The following CNTNAP5 variants were observed in gnomAD, a reference collection of about 807,000 sequenced individuals.
The protein encoded by CNTNAP5 is contactin associated protein family member 5.
Under a neutral mutation model 150.2 loss-of-function variants are expected in CNTNAP5, and 72 were observed. That is an observed-to-expected ratio of 0.48 (90% confidence interval 0.40 to 0.58). The LOEUF (loss-of-function observed/expected upper bound fraction) is 0.58. Ranked by LOEUF, CNTNAP5 falls within the 20% of genes least tolerant of loss-of-function variation. The probability of loss-of-function intolerance (pLI) is 0.00; values close to 1 mark genes in which losing one functional copy is unlikely to be tolerated. For synonymous variants in CNTNAP5, 672 were observed against 619.8 expected (o/e 1.08, Z -1.25); for missense variants, 1,636 against 1,626.2 (o/e 1.01, Z -0.10).
intron 13 of CNTNAP5, among the ~76,000 whole-genome samples, chr2:124,657,293 T>C (rs1218385802): frequency 1.3e-5 from 2 of 152,174 alleles, no homozygotes; most frequent in Non-Finnish European, 2.9e-5. Context: ...TCCCCATTTC[T>C]GCCAAATACC....
At chr2:124,913,639 G>A (rs999911752) in intron 23 of CNTNAP5, among the ~76,000 whole-genome samples, 28 of 152,062 alleles carry the variant, frequency 1.8e-4, no homozygotes, top group Admixed American at 2.0e-4. Flanking sequence ...TACATCAGGA[G>A]AGCATGTGTT....
chr2:124,539,023 C>A (rs1695314354), intron 10 of CNTNAP5, among the ~76,000 whole-genome samples: 1 of 152,082 alleles, frequency 6.6e-6, no homozygotes, highest in Admixed American at 6.5e-5. Flanking sequence ...AGGCGAAGCA[C>A]CTGAAGCCTT....
chr2:124,186,181 A>G (rs1282407097), intron 1 of CNTNAP5, among the ~76,000 whole-genome samples: 1 of 152,218 alleles, frequency 6.6e-6, no homozygotes, highest in African/African-American at 2.4e-5. Flanking sequence ...AGAACCACAC[A>G]TTGAGATCCA....
intron 1 of CNTNAP5, among the ~76,000 whole-genome samples, chr2:124,165,028 A>C (rs1002453119): frequency 5.3e-5 from 8 of 152,118 alleles, no homozygotes; most frequent in Non-Finnish European, 1.5e-5. Flanking sequence ...TCAGGTTGTA[A>C]TCTATCTGGG....
intron 17 of CNTNAP5, among the ~76,000 whole-genome samples, chr2:124,783,075 T>G (rs1681488244): frequency 6.6e-6 from 1 of 152,182 alleles, no homozygotes; most frequent in South Asian, 2.1e-4. Flanking sequence ...GACCTCTGAT[T>G]TCAGAAACGG....
chr2:124,441,855 G>T (rs1245707931), intron 5 of CNTNAP5, among the ~76,000 whole-genome samples: 1 of 148,710 alleles, frequency 6.7e-6, no homozygotes, highest in East Asian at 2.0e-4. Flanking sequence ...TTATCTTTGG[G>T]CATATATATA....
At chr2:124,813,624 C>T (rs73955836) in intron 19 of CNTNAP5, among the ~76,000 whole-genome samples, 4,644 of 151,354 alleles carry the variant, frequency 0.031, 237 homozygotes, top group African/African-American at 0.11. Context: ...TCAAGCTCTA[C>T]CTCAACACCT....
At position 124,920,329 on chromosome 2, in the gene CNTNAP5, C is replaced by A. The variant is rs1286618105; in HGVS notation, c.*6041C>A. Among the ~76,000 whole-genome samples, 1 of 152,072 alleles carries A rather than the reference C, an allele frequency of 6.6e-6. No homozygotes were observed. The highest frequency in any genetic ancestry group is 1.5e-5 in the Non-Finnish European group (1 of 68,016). ...AGACTCTTTGAAAGGCTTTCTCTTT[C>A]AAGAAACCTTGAAGGGAAAATATTA... On this transcript the variant is annotated 3_prime_UTR_variant, in exon 24 of 24. Coordinates refer to ENST00000682447, the MANE Select transcript of CNTNAP5 (RefSeq NM_001367498.1).
At chr2:124,873,861 A>C (rs2104730220) in intron 21 of CNTNAP5, among the ~76,000 whole-genome samples, 1 of 152,216 alleles carries the variant, frequency 6.6e-6, no homozygotes, top group Admixed American at 6.6e-5. Context: ...CTAGTGTCTC[A>C]GTTTTCTTCA....
At chr2:124,847,631 G>A (rs1340101909) in intron 19 of CNTNAP5, among the ~76,000 whole-genome samples, 1 of 152,146 alleles carries the variant, frequency 6.6e-6, no homozygotes, top group Middle Eastern at 3.2e-3. Context: ...GGGTCTGTGG[G>A]TTCTCTTAGC....
At chr2:124,476,696 G>A (rs2104835518) in intron 7 of CNTNAP5, among the ~76,000 whole-genome samples, 1 of 152,196 alleles carries the variant, frequency 6.6e-6, no homozygotes, top group South Asian at 2.1e-4. Flanking sequence ...GTCCCAGATT[G>A]ATCTTCCCAT....
chr2:124,087,159 A>G (rs1350813529), intron 1 of CNTNAP5, among the ~76,000 whole-genome samples: 1 of 151,794 alleles, frequency 6.6e-6, no homozygotes, highest in East Asian at 1.9e-4. Context: ...ACTTAGACTT[A>G]GAAGCACATT....
At chr2:124,833,871 TG>T (rs1412122042) in intron 19 of CNTNAP5, among the ~76,000 whole-genome samples, 1 of 151,890 alleles carries the variant, frequency 6.6e-6, no homozygotes. Context: ...AGAGATGTGG[TG>T]GGGGGCATGT....
chr2:124,581,550 CA>C (rs1696413429), intron 11 of CNTNAP5, among the ~76,000 whole-genome samples: 1 of 152,174 alleles, frequency 6.6e-6, no homozygotes, highest in Non-Finnish European at 1.5e-5. Context: ...AGACAGAGTT[CA>C]GGCGGCAGGG....
intron 7 of CNTNAP5, 61 bp from the exon 8 acceptor site, chr2:124,504,231 C>T: frequency 6.5e-7 from 1 of 1,529,694 alleles, no homozygotes; most frequent in Non-Finnish European, 9.0e-7. Context: ...TTGTTTATAT[C>T]AGCTGTCAGA....
At chr2:124,726,445 T>C (rs1680158872) in intron 13 of CNTNAP5, among the ~76,000 whole-genome samples, 1 of 152,114 alleles carries the variant, frequency 6.6e-6, no homozygotes, top group Admixed American at 6.6e-5. Context: ...TGTGCCTTGC[T>C]TCCCATTTGC....
rs544131991 is a variant in CNTNAP5, at chr2:124,504,016, C to T, written c.1063-276C>T. 3.6e-4 allele frequency among the ~76,000 whole-genome samples: 55 copies of T among 152,246 alleles called. 1 individual carries two copies. The South Asian group carries it at 7.9e-3, about 22-fold the overall frequency. On this transcript the variant is annotated intron_variant, in intron 7 of 23. Transcript: ENST00000682447. ...TAATGAGTAAATGTAATTATTTTTA[C>T]GCCCCTTAGAAAGTGTGGATACTTC...
rs1437507801 is a variant in CNTNAP5 at position 124,647,926 on chromosome 2, A to G, written c.2045A>G (p.His682Arg). The G allele has an allele frequency of 1.2e-5, 20 of 1,606,976 alleles. No homozygotes were observed. Among genetic ancestry groups the G allele is most frequent in the Non-Finnish European group, 1.6e-5 (19 of 1,177,236 alleles). Residue 682 changes from histidine to arginine, a missense_variant, in exon 13 of 24, where the codon CAC (histidine) becomes CGC (arginine). His to Arg is a conservative substitution (Grantham distance 29, BLOSUM62 0). Transcript: ENST00000682447. The part of the protein sequence containing the change: ...SEHCEQEVAY[H>R]CRRSRLLNTP... ...CACTGTGAGCAGGAGGTGGCCTACC[A>G]CTGCAGGAGGTCCCGCCTGCTCAAC...
At chr2:124,285,222 G>T (rs2104627551) in intron 3 of CNTNAP5, among the ~76,000 whole-genome samples, 1 of 152,260 alleles carries the variant, frequency 6.6e-6, no homozygotes, top group South Asian at 2.1e-4. Context: ...CTGAGTCAGT[G>T]CAGTTTTGCA....
Sources: gnomAD v4.1 joint callset for allele counts (sites outside exome capture counted in the v4.1 genomes callset) on GRCh38, gnomAD v4.1.1 for gene constraint, MANE v1.5 for transcripts, NCBI Gene and HGNC (gene_info 2026-07-23, HGNC 2026-07-21) for gene names.